ATE1: variants seen among roughly 807,000 people sequenced by gnomAD.
ATE1 encodes the protein arginyltransferase 1, also known as arginyl-tRNA--protein transferase 1.
ATE1 carries 36 observed loss-of-function variants against 70.5 expected under a neutral mutation model. The observed-to-expected ratio is 0.51, with a 90% CI of 0.39 to 0.67. The LOEUF (loss-of-function observed/expected upper bound fraction) is 0.67. ATE1 is among the 30% of genes least tolerant of loss of function. The pLI, the probability that ATE1 is intolerant of heterozygous loss-of-function variation, is 0.00. For missense variants in ATE1, 593 were observed against 629.5 expected, an observed-to-expected ratio of 0.94 and a Z score of 0.62; for synonymous variants, 232 against 219.3, an observed-to-expected ratio of 1.06 and a Z score of -0.51.
chr10:121,767,261 AC>A (rs1485458308), intron 11 of ATE1, among the ~76,000 whole-genome samples: 5 of 152,202 alleles, frequency 3.3e-5, no homozygotes, highest in East Asian at 1.9e-4. Context: ...TGATAAAAAA[AC>A]ATCTACAAAA....
At chr10:121,794,736 C>A (rs1228600958) in intron 10 of ATE1, among the ~76,000 whole-genome samples, 1 of 151,418 alleles carries the variant, frequency 6.6e-6, no homozygotes, top group Admixed American at 6.6e-5. Flanking sequence ...ACGAATGGCC[C>A]CATTTTCTAA....
intron 11 of ATE1, among the ~76,000 whole-genome samples, chr10:121,787,340 C>T (rs768412653): frequency 2.0e-5 from 3 of 152,168 alleles, no homozygotes; most frequent in Non-Finnish European, 2.9e-5. Context: ...GTAAAACTGG[C>T]CCCAGAGAAG....
chr10:121,756,847 A>G (rs1944824242), intron 11 of ATE1, among the ~76,000 whole-genome samples: 1 of 152,180 alleles, frequency 6.6e-6, no homozygotes, highest in Non-Finnish European at 1.5e-5. Context: ...AGGGGCTGCC[A>G]TGAAGACCTC....
chr10:121,772,256 C>T (rs1407723747), intron 11 of ATE1, among the ~76,000 whole-genome samples: 1 of 152,206 alleles, frequency 6.6e-6, no homozygotes, highest in Non-Finnish European at 1.5e-5. Context: ...GGGCCAACTA[C>T]CCGCTTTTAT....
intron 11 of ATE1, among the ~76,000 whole-genome samples, chr10:121,777,701 GT>G: frequency 6.6e-6 from 1 of 152,138 alleles, no homozygotes; most frequent in East Asian, 1.9e-4. Flanking sequence ...GATTTTCTAT[GT>G]AAACAATAAT....
chr10:121,743,930 T>A (rs1944239123), intron 11 of ATE1, 72 bp from the exon 12 acceptor site: 2 of 1,449,798 alleles, frequency 1.4e-6, no homozygotes, highest in Admixed American at 4.6e-5. Flanking sequence ...TTTTTTTTTT[T>A]TTTTTTTTTG....
intron 10 of ATE1, among the ~76,000 whole-genome samples, chr10:121,802,617 G>A (rs543134837): frequency 9.2e-5 from 14 of 152,006 alleles, no homozygotes; most frequent in African/African-American, 2.2e-4. Flanking sequence ...CCCCTACTCC[G>A]TTTTTGAGAC....
chr10:121,787,942 C>T (rs557985616), intron 11 of ATE1, among the ~76,000 whole-genome samples: 1 of 151,860 alleles, frequency 6.6e-6, no homozygotes, highest in South Asian at 2.1e-4. Flanking sequence ...TTAAAACTGA[C>T]CAATAAGGAA....
intron 10 of ATE1, among the ~76,000 whole-genome samples, chr10:121,804,777 T>C (rs1201402862): frequency 6.6e-6 from 1 of 151,912 alleles, no homozygotes; most frequent in East Asian, 1.9e-4. Flanking sequence ...ATATAATGTG[T>C]TTGAATCTAC....
At chr10:121,826,908 T>G (rs1474758219) in intron 10 of ATE1, among the ~76,000 whole-genome samples, 1 of 152,218 alleles carries the variant, frequency 6.6e-6, no homozygotes, top group African/African-American at 2.4e-5. Flanking sequence ...GAGAATGGCC[T>G]CCAGCTGCAT....
In ATE1 at chr10:121,841,083, G is replaced by A; in HGVS notation, c.1156C>T (p.Arg386Ter). The A allele has an allele frequency of 2.6e-6, 4 of 1,535,982 alleles. No homozygotes were observed. Among genetic ancestry groups the A allele is most frequent in the Non-Finnish European group, 2.6e-6 (3 of 1,133,978 alleles). Residue 386 changes from arginine (R) to a stop codon, truncating the protein, a stop_gained and splice_region_variant, in exon 9 of 12, where the codon CGA becomes TGA. Transcript: ENST00000224652. LOFTEE classifies it high-confidence loss of function. ...FLSLGVYSALREIAFTRQLHE... is the reference protein window; with the variant it reads ...FLSLGVYSAL ...AATAACGGCAAAAAGCAATCTTACC[G>A]TAGTGCAGAGTAGACGCCCAAAGAC...
intron 8 of ATE1, among the ~76,000 whole-genome samples, chr10:121,864,621 T>A (rs919621535): frequency 2.6e-5 from 4 of 152,264 alleles, no homozygotes; most frequent in African/African-American, 9.6e-5. Context: ...GGGTTGAATT[T>A]AAGTGGGCCA....
chr10:121,807,402 A>G (rs1433536318), intron 10 of ATE1, among the ~76,000 whole-genome samples: 1 of 144,038 alleles, frequency 6.9e-6, no homozygotes, highest in East Asian at 1.9e-4. Flanking sequence ...TTATTACTTC[A>G]TAGAGTATAA....
At chr10:121,889,468 A>G (rs1260474343) in intron 7 of ATE1, among the ~76,000 whole-genome samples, 1 of 152,162 alleles carries the variant, frequency 6.6e-6, no homozygotes, top group African/African-American at 2.4e-5. Flanking sequence ...AAATGTGTGA[A>G]CCGTGACTGG....
At chr10:121,849,021 G>A (rs1335932955) in intron 8 of ATE1, among the ~76,000 whole-genome samples, 1 of 151,974 alleles carries the variant, frequency 6.6e-6, no homozygotes, top group Non-Finnish European at 1.5e-5. Context: ...GACCAGCCTG[G>A]CCAACGTGGT....
chr10:121,897,229 G>GCCTACTAGGAGAAGCT (rs1209483529), intron 7 of ATE1, among the ~76,000 whole-genome samples: 11 of 152,206 alleles, frequency 7.2e-5, no homozygotes, highest in African/African-American at 2.7e-4. Flanking sequence ...GAGGCCTGAA[G>GCCTACTAGGAGAAGCT]CCTACTAGGA....
rs145863147 is a variant in ATE1 at position 121,909,286 on chromosome 10, G to A, written c.583+1620C>T. On this transcript the variant is annotated intron_variant, in intron 5 of 11. Coordinates refer to ENST00000224652, the MANE Select transcript of ATE1 (RefSeq NM_001001976.3). Reference sequence around the variant, plus strand: ...TTACAGTTGTAAGCCACCACTCCTGGCCGTAAGAGATTTTTTAAATATATC... The same window carrying A: ...TTACAGTTGTAAGCCACCACTCCTGACCGTAAGAGATTTTTTAAATATATC... 2.8e-3 allele frequency among the ~76,000 whole-genome samples: 424 copies of A among 152,264 alleles called. 1 individual carries two copies. Among genetic ancestry groups the A allele is most frequent in the Middle Eastern group, 0.02 (6 of 294 alleles).
intron 10 of ATE1, among the ~76,000 whole-genome samples, chr10:121,810,985 G>A (rs1947297818): frequency 6.6e-6 from 1 of 152,150 alleles, no homozygotes; most frequent in Non-Finnish European, 1.5e-5. Context: ...ACACGTGTGA[G>A]CCATCACGCC....
chr10:121,885,259 T>A (rs1590626794), intron 7 of ATE1, among the ~76,000 whole-genome samples: 8 of 37,074 alleles, frequency 2.2e-4, no homozygotes, highest in East Asian at 7.4e-4. Context: ...AGACTCCGTC[T>A]CAAAAAAAAA....
Sources: gnomAD v4.1 joint callset for allele counts (sites outside exome capture counted in the v4.1 genomes callset) on GRCh38, gnomAD v4.1.1 for gene constraint, MANE v1.5 for transcripts, NCBI Gene and HGNC (gene_info 2026-07-23, HGNC 2026-07-21) for gene names.